Variants in TENM3 observed in about 807,000 individuals in gnomAD.
TENM3 encodes teneurin transmembrane protein 3.
A neutral mutation model predicts 255.1 loss-of-function variants in TENM3; 63 were observed. That is an observed-to-expected ratio of 0.25 (90% CI 0.20 to 0.30). The LOEUF is 0.30. Ranked by LOEUF, TENM3 falls within the 10% of genes least tolerant of loss-of-function variation. The pLI is 1.00. For missense variants in TENM3, 2,929 were observed against 3,461.1 expected, an observed-to-expected ratio of 0.85 and a Z score of 3.86; for synonymous variants, 1,306 against 1,322.3, an observed-to-expected ratio of 0.99 and a Z score of 0.27.
At chr4:181,571,190 A>T in the TENM3 span, among the ~76,000 whole-genome samples, 1 of 152,146 alleles carries the variant, frequency 6.6e-6, no homozygotes, top group East Asian at 1.9e-4. Context: ...TGTCTTCGGA[A>T]TTCGAGGAAG....
the TENM3 span, among the ~76,000 whole-genome samples, chr4:181,746,108 A>C: frequency 3.3e-5 from 5 of 152,090 alleles, no homozygotes; most frequent in Non-Finnish European, 7.4e-5. Flanking sequence ...AAAAGAGTGT[A>C]GGTGCAGCTG....
chr4:182,139,246 T>C (rs1228258452), upstream of TENM3, among the ~76,000 whole-genome samples: 1 of 152,134 alleles, frequency 6.6e-6, no homozygotes, highest in Non-Finnish European at 1.5e-5. Flanking sequence ...GTATCACTAA[T>C]AGGTACTTTA....
chr4:181,777,022 G>A, the TENM3 span, among the ~76,000 whole-genome samples: 5 of 151,992 alleles, frequency 3.3e-5, no homozygotes, highest in African/African-American at 9.7e-5. Flanking sequence ...ATATCCAGGA[G>A]TGTTTACCTA....
chr4:181,706,715 G>A, the TENM3 span, among the ~76,000 whole-genome samples: 4,289 of 151,972 alleles, frequency 0.028, 178 homozygotes, highest in African/African-American at 0.097. Context: ...TGAGAAACAG[G>A]GAGTGTCTCT....
chr4:182,698,779 A>G (rs550559688), intron 12 of TENM3, among the ~76,000 whole-genome samples: 116 of 152,320 alleles, frequency 7.6e-4, no homozygotes, highest in African/African-American at 2.6e-3. Context: ...CATCAGCTAG[A>G]GCTGCGTGGT....
chr4:182,536,048 C>T (rs1361799533), intron 3 of TENM3, among the ~76,000 whole-genome samples: 1 of 152,074 alleles, frequency 6.6e-6, no homozygotes, highest in Non-Finnish European at 1.5e-5. Flanking sequence ...GTAGGAAACT[C>T]CAAATGGGAA....
chr4:182,100,820 CACATATAT>C, the TENM3 span, among the ~76,000 whole-genome samples: 7 of 10,176 alleles, frequency 6.9e-4, 2 homozygotes, highest in Non-Finnish European at 2.6e-3. Context: ...CATATATATA[CACATATAT>C]ATATATATAT....
At chr4:182,429,659 C>A (rs1199650731) in intron 3 of TENM3, among the ~76,000 whole-genome samples, 1 of 152,160 alleles carries the variant, frequency 6.6e-6, no homozygotes, top group East Asian at 1.9e-4. Flanking sequence ...TGGAAAATTT[C>A]TAAATCTTTA....
intron 1 of TENM3, among the ~76,000 whole-genome samples, chr4:182,161,045 G>C (rs1751112817): frequency 6.6e-6 from 1 of 152,032 alleles, no homozygotes; most frequent in Non-Finnish European, 1.5e-5. Context: ...TTGGGAGGCT[G>C]AGGTGGGTGG....
intron 3 of TENM3, among the ~76,000 whole-genome samples, chr4:182,566,849 C>A (rs1240214254): frequency 6.6e-6 from 1 of 152,080 alleles, no homozygotes; most frequent in East Asian, 1.9e-4. Flanking sequence ...GTGTGTTTGC[C>A]AGGCCACTGT....
upstream of TENM3, chr4:182,141,526 T>G (rs879058039): frequency 2.6e-5 from 4 of 152,138 alleles, no homozygotes; most frequent in Admixed American, 6.5e-5. Flanking sequence ...TTAACACACG[T>G]AAGCTGCCTG....
At chr4:181,502,360 G>A in the TENM3 span, among the ~76,000 whole-genome samples, 1 of 152,178 alleles carries the variant, frequency 6.6e-6, no homozygotes. Context: ...TGTGGGTGGT[G>A]GAGAGGGGTG....
intron 3 of TENM3, among the ~76,000 whole-genome samples, chr4:182,443,893 G>A (rs778319429): frequency 9.2e-5 from 14 of 152,174 alleles, no homozygotes; most frequent in Non-Finnish European, 1.6e-4. Flanking sequence ...TCTTCATCAT[G>A]TATCAGATTC....
intron 3 of TENM3, among the ~76,000 whole-genome samples, chr4:182,494,016 T>G (rs887949164): frequency 2.0e-5 from 3 of 152,188 alleles, no homozygotes; most frequent in African/African-American, 7.2e-5. Context: ...AGTATTCCCC[T>G]CTTACTGCTA....
the TENM3 span, among the ~76,000 whole-genome samples, chr4:181,981,449 A>G: frequency 2.0e-5 from 3 of 152,210 alleles, no homozygotes; most frequent in African/African-American, 7.2e-5. Flanking sequence ...TATAAGACAA[A>G]TCACCATAAA....
intron 3 of TENM3, among the ~76,000 whole-genome samples, chr4:182,507,639 G>A: frequency 6.6e-6 from 1 of 152,202 alleles, no homozygotes; most frequent in South Asian, 2.1e-4. Flanking sequence ...TATGGGAGAA[G>A]TTTTGAAAGC....
chr4:181,844,918 G>T, the TENM3 span, among the ~76,000 whole-genome samples: 1 of 152,166 alleles, frequency 6.6e-6, no homozygotes, highest in African/African-American at 2.4e-5. Context: ...TTCGCTTGTT[G>T]CATGAACAAA....
intron 1 of TENM3, among the ~76,000 whole-genome samples, chr4:182,299,912 C>CTTT (rs796408014): frequency 1.4e-5 from 2 of 143,168 alleles, no homozygotes; most frequent in African/African-American, 2.6e-5. Flanking sequence ...TCAAGTAGAT[C>CTTT]TTTTTTTTTT....
the TENM3 span, among the ~76,000 whole-genome samples, chr4:181,986,218 C>T: frequency 7.9e-5 from 12 of 152,034 alleles, no homozygotes; most frequent in African/African-American, 1.9e-4. Flanking sequence ...ATTTCCCTCA[C>T]GTTTCTTCTT....
Sources: allele counts gnomAD v4.1 joint callset (sites outside exome capture counted in the v4.1 genomes callset), GRCh38; gene constraint gnomAD v4.1.1; transcripts MANE v1.5; gene names NCBI Gene and HGNC (gene_info 2026-07-23, HGNC 2026-07-21).